The following MTAP variants were observed in gnomAD, a reference collection of about 807,000 sequenced individuals.
MTAP encodes S-methyl-5'-thioadenosine phosphorylase.
Under a neutral mutation model 33.6 loss-of-function variants are expected in MTAP, and 33 were observed. The ratio of observed to expected loss-of-function variants is 0.98; its 90% CI spans 0.74 to 1.31. The LOEUF (loss-of-function observed/expected upper bound fraction) is 1.31, where lower values mean the gene tolerates loss of function less well. Among genes scored for constraint, MTAP ranks in the 40% most tolerant of loss-of-function variants. MTAP has a pLI of 0.00. For missense variants in MTAP, 367 were observed against 360.0 expected (o/e 1.02, Z -0.16); for synonymous variants, 148 against 125.7 (o/e 1.18, Z -1.19).
At chr9:21,856,668 G>A (rs1361450964) in intron 6 of MTAP, among the ~76,000 whole-genome samples, 1 of 152,180 alleles carries the variant, frequency 6.6e-6, no homozygotes, top group Admixed American at 6.5e-5. Context: ...GTCAGCTGGA[G>A]CTACTTTATT....
intron 1 of MTAP, among the ~76,000 whole-genome samples, chr9:21,905,685 AAG>A (rs1159618973): frequency 1.3e-5 from 2 of 152,198 alleles, no homozygotes; most frequent in Non-Finnish European, 2.9e-5. Flanking sequence ...AAACAGCACT[AAG>A]AGAGAAAGAA....
chr9:21,890,779 C>A (rs1420803521), intron 1 of MTAP, among the ~76,000 whole-genome samples: 1 of 152,154 alleles, frequency 6.6e-6, no homozygotes, highest in Non-Finnish European at 1.5e-5. Context: ...ACACTTTGGG[C>A]ACTCCCAGTT....
chr9:21,908,356 C>T (rs779016442), intron 1 of MTAP, among the ~76,000 whole-genome samples: 1 of 152,074 alleles, frequency 6.6e-6, no homozygotes, highest in Non-Finnish European at 1.5e-5. Context: ...TAACCATTCA[C>T]TTGTTGGAGG....
At chr9:21,844,808 G>A (rs1354622220) in intron 5 of MTAP, among the ~76,000 whole-genome samples, 1 of 152,168 alleles carries the variant, frequency 6.6e-6, no homozygotes, top group Non-Finnish European at 1.5e-5. Context: ...GCCAAGGCGG[G>A]CGGATCACAA....
chr9:21,803,190 T>C (rs1022834456), intron 1 of MTAP: 4 of 367,428 alleles, frequency 1.1e-5, no homozygotes, highest in Admixed American at 4.7e-5. Flanking sequence ...TCAGGAGGTG[T>C]CCGGGCGCCT....
intron 3 of MTAP, 117 bp downstream of exon 3, chr9:21,816,889 A>C (rs567208785): frequency 1.2e-6 from 1 of 805,204 alleles, no homozygotes; most frequent in African/African-American, 1.7e-5. Context: ...GAATCAGAAC[A>C]TCTTAGTAAC....
rs1364536794 is a variant in MTAP at position 21,867,039 on chromosome 9, G to T, written c.*5025G>T. Reference sequence around the variant, plus strand: ...GAAATATGTTTTATTTTTGTATATTGACTTTATATTCTGTAATCTTATTAA... The same window carrying T: ...GAAATATGTTTTATTTTTGTATATTTACTTTATATTCTGTAATCTTATTAA... On this transcript the variant is annotated 3_prime_UTR_variant, in exon 8 of 8. Coordinates refer to ENST00000644715, the MANE Select transcript of MTAP (RefSeq NM_002451.4). 1 of 151,914 alleles carries T rather than the reference G, an allele frequency of 6.6e-6. No individual in the cohort carries two copies. Among genetic ancestry groups the T allele is most frequent in the Non-Finnish European group, 1.5e-5 (1 of 67,938 alleles). 9.4% of individuals were successfully genotyped at this position (151,914 alleles called of 1,614,324 possible). A position where few individuals can be genotyped will look rare whatever the true frequency, so the allele number is the denominator to read the frequency against.
chr9:21,852,247 G>A (rs147262044), intron 5 of MTAP, among the ~76,000 whole-genome samples: 1 of 152,252 alleles, frequency 6.6e-6, no homozygotes, highest in East Asian at 1.9e-4. Flanking sequence ...AGTGGCTCAT[G>A]CCTATAATCC....
intron 6 of MTAP, 175 bp from the exon 7 acceptor site, chr9:21,859,128 T>C (rs756403003): frequency 1.3e-6 from 1 of 771,114 alleles, no homozygotes; most frequent in Non-Finnish European, 2.0e-6. Flanking sequence ...CATGACCTAA[T>C]TGCCTCCCAA....
At chr9:21,827,734 G>T (rs1239823579) in intron 4 of MTAP, among the ~76,000 whole-genome samples, 1 of 152,172 alleles carries the variant, frequency 6.6e-6, no homozygotes, top group Admixed American at 6.6e-5. Flanking sequence ...ATTTTTGAGG[G>T]CTTGAACATA....
At chr9:21,889,163 G>C (rs533675562) in intron 1 of MTAP, among the ~76,000 whole-genome samples, 6 of 151,742 alleles carry the variant, frequency 4.0e-5, no homozygotes, top group African/African-American at 1.4e-4. Flanking sequence ...TTTGAATTTT[G>C]TTCATTTTTA....
At chr9:21,825,147 G>A (rs1220474465) in intron 4 of MTAP, among the ~76,000 whole-genome samples, 6 of 152,130 alleles carry the variant, frequency 3.9e-5, no homozygotes, top group Non-Finnish European at 5.9e-5. Context: ...AGATGAACCC[G>A]GTACCTAAGT....
At chr9:21,874,412 A>G (rs927316017) in intron 1 of MTAP, among the ~76,000 whole-genome samples, 5 of 152,220 alleles carry the variant, frequency 3.3e-5, no homozygotes, top group African/African-American at 1.2e-4. Context: ...GTTTATTTAA[A>G]TCAGGATCCA....
rs1034721104 is a variant in MTAP at position 21,865,205 on chromosome 9, A to G, written c.*3191A>G. ...TGGTTACCCCCACACTGCTGTTCTC[A>G]TGATACTGAGTTCTCACAAGTCCTG... On this transcript the variant is annotated 3_prime_UTR_variant, in exon 8 of 8. Transcript: ENST00000644715. 6.6e-6 allele frequency: 4 copies of G among 605,434 alleles called. No individual in the cohort carries two copies. In the African/African-American group the frequency reaches 8.0e-5, roughly 12 times the overall value. The allele number at this position is 605,434 out of a possible 1,614,324, so 37.5% of individuals were successfully genotyped here.
chr9:21,891,391 A>G (rs964931617), intron 1 of MTAP, among the ~76,000 whole-genome samples: 1 of 152,160 alleles, frequency 6.6e-6, no homozygotes, highest in African/African-American at 2.4e-5. Flanking sequence ...GAATCTAAGG[A>G]ATACAGTAAA....
Position 21,805,173 on chromosome 9 carries a change from G to C in MTAP, c.33+2392G>C, listed in dbSNP as rs192985108. 3.6e-3 allele frequency among the ~76,000 whole-genome samples: 541 copies of C among 149,928 alleles called. 2 individuals are homozygous for C. Among genetic ancestry groups the C allele is most frequent in the Non-Finnish European group, 5.7e-3 (384 of 67,792 alleles). On this transcript the variant is annotated intron_variant, in intron 1 of 7. Coordinates refer to ENST00000644715, the MANE Select transcript of MTAP (RefSeq NM_002451.4). ...AGTTCCAGGTACTCCTTTAATGTCAGCCCAAGTACCTCTCTTCTTAAAATA... is the reference window on the plus strand; with the variant it reads ...AGTTCCAGGTACTCCTTTAATGTCACCCCAAGTACCTCTCTTCTTAAAATA...
chr9:21,938,761 T>G (rs1819086200), downstream of MTAP, among the ~76,000 whole-genome samples: 1 of 152,240 alleles, frequency 6.6e-6, no homozygotes, highest in South Asian at 2.1e-4. Context: ...ACTCTGATAC[T>G]TTCCTGAAAG....
In MTAP at chr9:21,863,839, A is replaced by G; in HGVS notation, c.*1825A>G. On this transcript the variant is annotated 3_prime_UTR_variant, in exon 8 of 8. Coordinates refer to ENST00000644715, the MANE Select transcript of MTAP (RefSeq NM_002451.4). ...GATAATAAGCTGCTAATTGTAAACA[A>G]AACAGTTACCCTCCAGTATTAATAT... 1 of 985,848 alleles carries G rather than the reference A, an allele frequency of 1.0e-6. No individual in the cohort carries two copies. Among genetic ancestry groups the G allele is most frequent in the African/African-American group, 1.7e-5 (1 of 57,358 alleles). The allele number at this position is 985,848 out of a possible 1,614,324, so 61.1% of individuals were successfully genotyped here.
chr9:21,845,770 A>G (rs1825365055), intron 5 of MTAP, among the ~76,000 whole-genome samples: 1 of 152,160 alleles, frequency 6.6e-6, no homozygotes. Flanking sequence ...AAAATCCTAA[A>G]ATTTATGTGA....
Sources: gnomAD v4.1 joint callset for allele counts (sites outside exome capture counted in the v4.1 genomes callset) on GRCh38, gnomAD v4.1.1 for gene constraint, MANE v1.5 for transcripts, NCBI Gene and HGNC (gene_info 2026-07-23, HGNC 2026-07-21) for gene names.